The following DCAF8L2 variants were observed in gnomAD, a reference collection of about 807,000 sequenced individuals.
DCAF8L2 encodes the protein DDB1- and CUL4-associated factor 8-like protein 2.
For missense variants in DCAF8L2, 430 were observed against 490.7 expected, an observed-to-expected ratio of 0.88 and a Z score of 1.17; for synonymous variants, 200 against 190.9, an observed-to-expected ratio of 1.05 and a Z score of -0.39.
chrX:27,542,487 C>T, the DCAF8L2 span, among the ~76,000 whole-genome samples: 1 of 107,439 alleles, frequency 9.3e-6, no homozygotes, highest in Non-Finnish European at 1.9e-5. Context: ...TTGTTAGCCG[C>T]AGGTATATCT....
At chrX:27,701,827 A>C (rs1322169847) in intron 3 of DCAF8L2, among the ~76,000 whole-genome samples, 1 of 110,706 alleles carries the variant, frequency 9.0e-6, no homozygotes, top group Non-Finnish European at 1.9e-5. Context: ...AACTAAATCC[A>C]GATAAAGCAA....
chrX:27,747,522 T>C lies in DCAF8L2; in HGVS notation c.627T>C (p.Cys209=), dbSNP rs770761059. 9.3e-6 allele frequency: 11 copies of C among 1,178,425 alleles called. No homozygotes were observed. Among genetic ancestry groups the C allele is most frequent in the Non-Finnish European group, 1.3e-5 (11 of 879,037 alleles). Residue 209 remains cysteine (C), a synonymous_variant, in exon 5 of 5, where the codon TGT becomes TGC. Transcript: ENST00000451261. ...GTCCCCGCTTTGTATATGAGGCCTG[T>C]GGGGCAAGAGCCTTTGTGCAGCGTT... ...GSRPRFVYEA[C]GARAFVQRFR...
the DCAF8L2 span, among the ~76,000 whole-genome samples, chrX:27,486,555 G>A: frequency 2.7e-5 from 3 of 111,331 alleles, no homozygotes; most frequent in Non-Finnish European, 1.9e-5. Flanking sequence ...TCAGTTCAAT[G>A]ATTTTTTATA....
chrX:27,565,657 C>T, the DCAF8L2 span, among the ~76,000 whole-genome samples: 2 of 111,434 alleles, frequency 1.8e-5, no homozygotes, highest in African/African-American at 6.5e-5. Flanking sequence ...TCACTGAGGC[C>T]ATCTGGTCCT....
At chrX:27,720,478 T>A (rs1259118469) in intron 4 of DCAF8L2, among the ~76,000 whole-genome samples, 11 of 110,664 alleles carry the variant, frequency 9.9e-5, no homozygotes, top group Admixed American at 6.7e-4. Context: ...GGTTCACGCC[T>A]TTCTCCTGCC....
the DCAF8L2 span, among the ~76,000 whole-genome samples, chrX:27,561,928 T>C: frequency 5.4e-5 from 6 of 111,795 alleles, no homozygotes; most frequent in African/African-American, 1.9e-4. Flanking sequence ...CTTAGGTATA[T>C]AACTAGGAGT....
intron 1 of DCAF8L2, among the ~76,000 whole-genome samples, chrX:27,595,514 C>T (rs949052763): frequency 1.3e-4 from 14 of 111,867 alleles, no homozygotes; most frequent in African/African-American, 4.5e-4. Context: ...TAAGAGCAAC[C>T]CTTTCTGATT....
intron 3 of DCAF8L2, among the ~76,000 whole-genome samples, chrX:27,698,206 G>T (rs1930999956): frequency 1.8e-5 from 2 of 111,373 alleles, no homozygotes; most frequent in Non-Finnish European, 1.9e-5. Flanking sequence ...ATTGAGGCAT[G>T]AAATGCAAAG....
At chrX:27,656,054 T>A (rs1370542379) in intron 2 of DCAF8L2, among the ~76,000 whole-genome samples, 1 of 111,752 alleles carries the variant, frequency 8.9e-6, no homozygotes, top group Non-Finnish European at 1.9e-5. Context: ...TGCTTGCAAT[T>A]CCTTCTGAGA....
the DCAF8L2 span, among the ~76,000 whole-genome samples, chrX:27,502,021 C>G: frequency 9.2e-6 from 1 of 108,585 alleles, no homozygotes; most frequent in African/African-American, 3.3e-5. Flanking sequence ...CTGCAACTAC[C>G]TTCAAAAATG....
the DCAF8L2 span, among the ~76,000 whole-genome samples, chrX:27,553,323 T>C: frequency 9.0e-6 from 1 of 111,666 alleles, no homozygotes; most frequent in East Asian, 2.8e-4. Context: ...TCTATCAAGA[T>C]GATCTGTTCA....
intron 1 of DCAF8L2, among the ~76,000 whole-genome samples, chrX:27,626,397 G>A (rs1928008873): frequency 8.9e-6 from 1 of 112,112 alleles, no homozygotes; most frequent in African/African-American, 3.2e-5. Context: ...CCCAAAAGAA[G>A]CAATTTGAGA....
chrX:27,597,187 T>C (rs953003714), intron 1 of DCAF8L2, among the ~76,000 whole-genome samples: 9 of 112,233 alleles, frequency 8.0e-5, no homozygotes, highest in Non-Finnish European at 1.7e-4. Flanking sequence ...ATATACATTT[T>C]ACAATGTATT....
chrX:27,544,620 T>C, the DCAF8L2 span, among the ~76,000 whole-genome samples: 2 of 111,713 alleles, frequency 1.8e-5, no homozygotes, highest in Non-Finnish European at 3.8e-5. Flanking sequence ...AATATAATGG[T>C]TTCATTACTT....
At chrX:27,514,668 CAAAAAAAAAA>C in the DCAF8L2 span, among the ~76,000 whole-genome samples, 4 of 2,527 alleles carry the variant, frequency 1.6e-3, no homozygotes, top group Non-Finnish European at 2.2e-3. Context: ...GACTCCGTCT[CAAAAAAAAAA>C]AAAAAAAAAA....
At chrX:27,648,499 C>G (rs187864435) in intron 2 of DCAF8L2, among the ~76,000 whole-genome samples, 1,965 of 95,423 alleles carry the variant, frequency 0.021, 18 homozygotes, top group African/African-American at 0.035. Context: ...CCTAGTTAAG[C>G]AAACATATAT....
At chrX:27,745,925 C>G (rs1439526830) in intron 4 of DCAF8L2, among the ~76,000 whole-genome samples, 1 of 111,575 alleles carries the variant, frequency 9.0e-6, no homozygotes, top group East Asian at 2.8e-4. Flanking sequence ...CCTTTTTTCA[C>G]AAAATTGTGT....
the DCAF8L2 span, among the ~76,000 whole-genome samples, chrX:27,561,985 AC>A: frequency 9.0e-6 from 1 of 111,672 alleles, no homozygotes; most frequent in African/African-American, 3.3e-5. Context: ...TTTTTGAGGA[AC>A]TTTTTTCCAA....
At chrX:27,736,239 T>A (rs1224813208) in intron 4 of DCAF8L2, among the ~76,000 whole-genome samples, 3 of 111,468 alleles carry the variant, frequency 2.7e-5, no homozygotes, top group Non-Finnish European at 5.6e-5. Flanking sequence ...ATCAAGCAGG[T>A]CAATGACATT....
Sources: allele counts gnomAD v4.1 joint callset (sites outside exome capture counted in the v4.1 genomes callset), GRCh38; gene constraint gnomAD v4.1.1; transcripts MANE v1.5; gene names NCBI Gene and HGNC (gene_info 2026-07-23, HGNC 2026-07-21).